Variants in PDE11A observed in about 807,000 individuals in gnomAD.
PDE11A encodes the protein dual 3',5'-cyclic-AMP and -GMP phosphodiesterase 11A.
Under a neutral mutation model 100.5 loss-of-function variants are expected in PDE11A, and 100 were observed. That is an observed-to-expected ratio of 1.00 (90% CI 0.85 to 1.18). The LOEUF (loss-of-function observed/expected upper bound fraction) is 1.18, where lower values mean the gene tolerates loss of function less well. Ranked by LOEUF, PDE11A falls within the 50% of genes most tolerant of loss-of-function variation. The pLI is 0.00. For missense variants in PDE11A, 1,141 were observed against 1,152.6 expected (o/e 0.99, Z 0.15); for synonymous variants, 381 against 420.8 (o/e 0.91, Z 1.16).
At chr2:177,657,048 C>T (rs1393079004) in intron 19 of PDE11A, among the ~76,000 whole-genome samples, 1 of 152,082 alleles carries the variant, frequency 6.6e-6, no homozygotes, top group Non-Finnish European at 1.5e-5. Context: ...CAGGGAGATG[C>T]TGTGATCAGA....
intron 5 of PDE11A, among the ~76,000 whole-genome samples, chr2:177,847,870 G>A (rs1253338541): frequency 2.6e-5 from 4 of 152,142 alleles, no homozygotes; most frequent in African/African-American, 9.7e-5. Flanking sequence ...ATAGAGGGCA[G>A]GGCTGGGATG....
At chr2:177,851,927 T>C (rs2083718104) in intron 5 of PDE11A, among the ~76,000 whole-genome samples, 1 of 152,084 alleles carries the variant, frequency 6.6e-6, no homozygotes, top group African/African-American at 2.4e-5. Flanking sequence ...TAGGCCCCAG[T>C]GTGCACTGTT....
At chr2:177,909,330 A>T (rs2084841413) in intron 2 of PDE11A, among the ~76,000 whole-genome samples, 3 of 152,308 alleles carry the variant, frequency 2.0e-5, no homozygotes, top group African/African-American at 4.8e-5. Flanking sequence ...TCCAAACAAA[A>T]GCAAATGGCA....
intron 10 of PDE11A, among the ~76,000 whole-genome samples, chr2:177,737,627 G>T (rs893964718): frequency 6.6e-6 from 1 of 151,238 alleles, no homozygotes; most frequent in Non-Finnish European, 1.5e-5. Context: ...CAGGGTTCTG[G>T]ATACCTACAA....
chr2:177,901,247 A>ACC (rs199895360), intron 3 of PDE11A, among the ~76,000 whole-genome samples: 11 of 150,704 alleles, frequency 7.3e-5, no homozygotes, highest in African/African-American at 2.2e-4. Flanking sequence ...TGATCTTGTG[A>ACC]CCCCCCCCAT....
At chr2:177,918,923 A>G (rs924599227) in intron 2 of PDE11A, among the ~76,000 whole-genome samples, 14 of 152,298 alleles carry the variant, frequency 9.2e-5, no homozygotes, top group African/African-American at 2.6e-4. Context: ...GAAAATTCCT[A>G]TGCTATTCAA....
At chr2:177,788,510 C>G (rs1266721640) in intron 9 of PDE11A, among the ~76,000 whole-genome samples, 1 of 151,552 alleles carries the variant, frequency 6.6e-6, no homozygotes, top group Non-Finnish European at 1.5e-5. Context: ...CATTCAAAAG[C>G]TAGCAGAAGG....
chr2:177,675,355 A>G (rs2080754076), intron 17 of PDE11A, 100 bp downstream of exon 17: 2 of 845,168 alleles, frequency 2.4e-6, no homozygotes, highest in South Asian at 2.7e-5. Flanking sequence ...CAAATTGACT[A>G]GGGTTTCAGT....
intron 2 of PDE11A, among the ~76,000 whole-genome samples, chr2:178,096,774 A>G (rs955659610): frequency 6.6e-6 from 1 of 152,202 alleles, no homozygotes; most frequent in African/African-American, 2.4e-5. Context: ...AAAACCATTC[A>G]ACAAGTTTCT....
chr2:177,675,462 G>A lies in PDE11A; in HGVS notation c.2480C>T (p.Ser827Phe). 6.2e-7 allele frequency: 1 copy of A among 1,612,122 alleles called. No homozygotes were observed. The highest frequency in any genetic ancestry group is 8.5e-7 in the Non-Finnish European group (1 of 1,178,404). ...CCATTAATCACCACTTGCCTGTCTGGAGATCTCCCACGGTTTGGTCACGGC... is the reference window on the plus strand; with the variant it reads ...CCATTAATCACCACTTGCCTGTCTGAAGATCTCCCACGGTTTGGTCACGGC... ...LGAVTKPWEI[S>F]RQVAELVTSE... The change falls in exon 17 of 20, where the codon TCC becomes TTC. Residue 827 changes from serine to phenylalanine, a missense_variant. By Grantham distance (155) the Ser-to-Phe change is radical. Transcript: ENST00000286063.
chr2:177,955,900 A>C (rs1164396338), intron 2 of PDE11A, among the ~76,000 whole-genome samples: 1 of 152,232 alleles, frequency 6.6e-6, no homozygotes, highest in Non-Finnish European at 1.5e-5. Context: ...ACCTTATACA[A>C]AAATTAATTC....
intron 2 of PDE11A, among the ~76,000 whole-genome samples, chr2:177,939,010 C>A (rs142971138): frequency 1.6e-4 from 25 of 152,336 alleles, no homozygotes; most frequent in Admixed American, 1.6e-3. Flanking sequence ...ACCATGCTGA[C>A]ACCTTGATGG....
chr2:178,098,710 C>A (rs2087525397), intron 2 of PDE11A, among the ~76,000 whole-genome samples: 1 of 151,826 alleles, frequency 6.6e-6, no homozygotes, highest in Non-Finnish European at 1.5e-5. Context: ...ACATAATTTC[C>A]TTACCACACA....
At chr2:178,018,392 T>TGACTTTAACCTA in intron 1 of PDE11A, 2 of 80,034 alleles carry the variant, frequency 2.5e-5, no homozygotes, top group East Asian at 4.0e-4. Context: ...ACTTTAACCT[T>TGACTTTAACCTA]TGCCGGGCTT....
At position 177,701,426 on chromosome 2, in the gene PDE11A, A is replaced by G. The variant is rs948117668; in HGVS notation, c.2154-215T>C. ...TAATACATAGAACTTTCTATGTATTAGGCTAGATGCTGCAAATGATATTTG... is the reference window on the plus strand; with the variant it reads ...TAATACATAGAACTTTCTATGTATTGGGCTAGATGCTGCAAATGATATTTG... On this transcript the variant is annotated intron_variant, in intron 13 of 19. Coordinates refer to ENST00000286063, the MANE Select transcript of PDE11A (RefSeq NM_016953.4). Among the ~76,000 whole-genome samples the G allele has an allele frequency of 2.6e-5, 4 of 152,178 alleles. No homozygotes were observed. The South Asian group carries it at 8.3e-4, about 32-fold the overall frequency.
intron 2 of PDE11A, among the ~76,000 whole-genome samples, chr2:178,003,612 G>T (rs2086170530): frequency 6.6e-6 from 1 of 151,994 alleles, no homozygotes; most frequent in Non-Finnish European, 1.5e-5. Context: ...ATGGGTATAG[G>T]GTTTCTTCTG....
chr2:177,795,039 C>G (rs2082686142), intron 9 of PDE11A, among the ~76,000 whole-genome samples: 1 of 152,166 alleles, frequency 6.6e-6, no homozygotes, highest in South Asian at 2.1e-4. Flanking sequence ...CCTGCCTCGG[C>G]CTCCCAAAGT....
At chr2:178,100,037 A>G (rs2105888260) in intron 2 of PDE11A, among the ~76,000 whole-genome samples, 1 of 152,346 alleles carries the variant, frequency 6.6e-6, no homozygotes, top group East Asian at 1.9e-4. Flanking sequence ...ATTTGATTCC[A>G]CTTGTATTAT....
intron 16 of PDE11A, 136 bp from the exon 17 acceptor site, chr2:177,675,654 C>T (rs914607605): frequency 5.4e-6 from 4 of 735,576 alleles, no homozygotes; most frequent in Middle Eastern, 2.3e-4. Context: ...CAACAAGGGG[C>T]AGCACTGTTT....
Sources: allele counts gnomAD v4.1 joint callset (sites outside exome capture counted in the v4.1 genomes callset), GRCh38; gene constraint gnomAD v4.1.1; transcripts MANE v1.5; gene names NCBI Gene and HGNC (gene_info 2026-07-23, HGNC 2026-07-21).